The following FHIP1A variants were observed in gnomAD, a reference collection of about 807,000 sequenced individuals.
FHIP1A encodes FHF complex subunit HOOK-interacting protein 1A.
Under a neutral mutation model 88.6 loss-of-function variants are expected in FHIP1A, and 61 were observed. The observed-to-expected ratio is 0.69, with a 90% confidence interval of 0.56 to 0.85. The LOEUF (loss-of-function observed/expected upper bound fraction) is 0.85, where lower values mean the gene tolerates loss of function less well. Ranked by LOEUF, FHIP1A falls within the 40% of genes least tolerant of loss-of-function variation. The pLI is 0.00. For missense variants in FHIP1A, 1,154 were observed against 1,273.5 expected, an observed-to-expected ratio of 0.91 and a Z score of 1.43; for synonymous variants, 478 against 496.0, an observed-to-expected ratio of 0.96 and a Z score of 0.48.
Position 151,650,300 on chromosome 4 carries a change from C to G in FHIP1A, c.2259C>G (p.Ala753=). Residue 753 remains alanine, a synonymous_variant, in exon 11 of 14, where the codon GCC becomes GCG. Coordinates refer to ENST00000435205, the MANE Select transcript of FHIP1A (RefSeq NM_001109977.3). ...ACCCGGAGAGCGAGGAGCTCATTGC[C>G]CAGTATGACCAAATCATTAAAGAGC... ...AAHPESEELI[A]QYDQIIKELD... 1 of 1,551,700 alleles carries G rather than the reference C, an allele frequency of 6.4e-7. No individual in the cohort carries two copies. Among genetic ancestry groups the G allele is most frequent in the Non-Finnish European group, 8.7e-7 (1 of 1,146,998 alleles).
intron 3 of FHIP1A, among the ~76,000 whole-genome samples, chr4:151,509,157 AT>A (rs986676837): frequency 6.6e-6 from 1 of 151,664 alleles, no homozygotes; most frequent in Non-Finnish European, 1.5e-5. Context: ...TTTATTAAGT[AT>A]TTTTTTTGTT....
intron 3 of FHIP1A, among the ~76,000 whole-genome samples, chr4:151,561,571 C>T (rs1344707109): frequency 6.6e-6 from 1 of 152,176 alleles, no homozygotes; most frequent in Non-Finnish European, 1.5e-5. Context: ...AGGTTCACCT[C>T]TCTTAAGGTG....
At chr4:151,563,095 GA>G (rs1733237225) in intron 3 of FHIP1A, among the ~76,000 whole-genome samples, 1 of 151,844 alleles carries the variant, frequency 6.6e-6, no homozygotes, top group Non-Finnish European at 1.5e-5. Flanking sequence ...CTTATTGATG[GA>G]AAGTATTTTT....
chr4:151,613,339 A>G (rs568926173), intron 7 of FHIP1A, among the ~76,000 whole-genome samples: 16 of 152,320 alleles, frequency 1.1e-4, no homozygotes, highest in South Asian at 6.2e-4. Context: ...TTTTCCTTCA[A>G]TGGAGATTTT....
intron 3 of FHIP1A, among the ~76,000 whole-genome samples, chr4:151,550,376 G>A (rs916879480): frequency 4.6e-5 from 7 of 151,838 alleles, no homozygotes; most frequent in Non-Finnish European, 7.4e-5. Flanking sequence ...ACCTCCCCCC[G>A]AACCCCTATG....
chr4:151,622,967 G>A (rs115696569), intron 7 of FHIP1A, among the ~76,000 whole-genome samples: 3,528 of 152,230 alleles, frequency 0.023, 61 homozygotes, highest in Non-Finnish European at 0.035. Context: ...TAGGGTACAA[G>A]TTATGCACAC....
intron 1 of FHIP1A, among the ~76,000 whole-genome samples, chr4:151,443,209 G>C (rs879768404): frequency 1.3e-5 from 2 of 152,084 alleles, no homozygotes; most frequent in Admixed American, 6.6e-5. Flanking sequence ...GAGATAGGAC[G>C]ATCACTTGAG....
At chr4:151,576,313 A>G (rs986198517) in intron 4 of FHIP1A, among the ~76,000 whole-genome samples, 8 of 152,010 alleles carry the variant, frequency 5.3e-5, no homozygotes, top group African/African-American at 1.9e-4. Context: ...ACCTTAACCA[A>G]TTTTGTTTTT....
chr4:151,619,575 A>G (rs774200553), intron 7 of FHIP1A, among the ~76,000 whole-genome samples: 12 of 152,242 alleles, frequency 7.9e-5, no homozygotes, highest in Non-Finnish European at 1.6e-4. Flanking sequence ...GGAGAATGTT[A>G]CTAGATTACT....
intron 2 of FHIP1A, among the ~76,000 whole-genome samples, chr4:151,466,467 A>G (rs886259234): frequency 6.6e-6 from 1 of 152,232 alleles, no homozygotes; most frequent in Non-Finnish European, 1.5e-5. Flanking sequence ...TCTTCACAGA[A>G]TTAGAAAAAC....
At chr4:151,577,388 T>C in intron 4 of FHIP1A, 62 bp from the exon 5 acceptor site, 1 of 1,436,150 alleles carries the variant, frequency 7.0e-7, no homozygotes, top group Non-Finnish European at 9.3e-7. Flanking sequence ...AAATCAGTGG[T>C]GATATGTTTT....
rs1734233942 is a variant in FHIP1A at position 151,586,783 on chromosome 4, G to A, written c.875G>A (p.Cys292Tyr). 2 of 1,550,058 alleles carry A rather than the reference G, an allele frequency of 1.3e-6. No homozygotes were observed. Among genetic ancestry groups the A allele is most frequent in the Non-Finnish European group, 1.7e-6 (2 of 1,145,808 alleles). ...LVQFMNSLEF[C>Y]NAVIQVAHPL... Reference sequence around the variant, plus strand: ...CAGTTCATGAACTCCCTGGAGTTTTGCAATGCAGTCATACAGGTACCAGAG... The same window carrying A: ...CAGTTCATGAACTCCCTGGAGTTTTACAATGCAGTCATACAGGTACCAGAG... The change falls in exon 6 of 14, where the codon TGC becomes TAC. Residue 292 changes from cysteine (C) to tyrosine (Y), a missense_variant. Physicochemically the swap from Cys to Tyr is radical, Grantham distance 194. Coordinates refer to ENST00000435205, the MANE Select transcript of FHIP1A (RefSeq NM_001109977.3).
At chr4:151,520,634 C>T (rs1427357034) in intron 3 of FHIP1A, among the ~76,000 whole-genome samples, 1 of 152,066 alleles carries the variant, frequency 6.6e-6, no homozygotes, top group Non-Finnish European at 1.5e-5. Context: ...ATATGTATAA[C>T]ATTACTTTTA....
chr4:151,646,813 G>A (rs1736816091), intron 10 of FHIP1A, 65 bp downstream of exon 10: 2 of 1,132,616 alleles, frequency 1.8e-6, no homozygotes, highest in East Asian at 2.6e-5. Flanking sequence ...CTTGGGATAT[G>A]TGTCCCTTTG....
At chr4:151,592,198 G>A (rs202005320) in intron 7 of FHIP1A, among the ~76,000 whole-genome samples, 24 of 151,888 alleles carry the variant, frequency 1.6e-4, no homozygotes, top group East Asian at 7.7e-4. Flanking sequence ...GCAGTGGTGC[G>A]ATCTCAGCTC....
chr4:151,508,886 A>G (rs1190209995), intron 3 of FHIP1A, among the ~76,000 whole-genome samples: 3 of 152,040 alleles, frequency 2.0e-5, no homozygotes, highest in Admixed American at 1.3e-4. Context: ...AAAACTACCC[A>G]CAATGTTGAA....
rs187146697 is a variant in FHIP1A, at chr4:151,567,011, T to G, written c.105+647T>G. Among the ~76,000 whole-genome samples the G allele has an allele frequency of 1.7e-3, 252 of 152,294 alleles. 1 individual carries two copies. Among genetic ancestry groups the G allele is most frequent in the African/African-American group, 5.8e-3 (243 of 41,570 alleles). On this transcript the variant is annotated intron_variant, in intron 4 of 13. Transcript: ENST00000435205. ...TTGGGGCTGGTGGTCCCTGTGTAATTTAATGAAAAACGCCTGAGTATACCT... is the reference window on the plus strand; with the variant it reads ...TTGGGGCTGGTGGTCCCTGTGTAATGTAATGAAAAACGCCTGAGTATACCT...
At chr4:151,629,229 C>A (rs1476796790) in intron 7 of FHIP1A, among the ~76,000 whole-genome samples, 1 of 152,144 alleles carries the variant, frequency 6.6e-6, no homozygotes, top group Admixed American at 6.5e-5. Flanking sequence ...TTTTGCTTGT[C>A]ATAGCTCATC....
intron 3 of FHIP1A, among the ~76,000 whole-genome samples, chr4:151,542,614 T>C (rs1408241767): frequency 6.6e-6 from 1 of 152,118 alleles, no homozygotes; most frequent in African/African-American, 2.4e-5. Context: ...ATAACTATGC[T>C]CAGAATTCTT....
Sources: allele counts gnomAD v4.1 joint callset (sites outside exome capture counted in the v4.1 genomes callset), GRCh38; gene constraint gnomAD v4.1.1; transcripts MANE v1.5; gene names NCBI Gene and HGNC (gene_info 2026-07-23, HGNC 2026-07-21).